The following CNTN5 variants were observed in gnomAD, a reference collection of about 807,000 sequenced individuals.
CNTN5 encodes contactin 5, also known as contactin-5.
A neutral mutation model predicts 129.1 loss-of-function variants in CNTN5; 77 were observed. The ratio of observed to expected loss-of-function variants is 0.60; its 90% confidence interval spans 0.50 to 0.72. CNTN5 has a LOEUF of 0.72. Ranked by LOEUF, CNTN5 falls within the 30% of genes least tolerant of loss-of-function variation. The pLI is 0.00. For synonymous variants in CNTN5, 509 were observed against 465.6 expected (o/e 1.09, Z -1.20); for missense variants, 1,478 against 1,328.8 (o/e 1.11, Z -1.75).
chr11:99,740,328 G>A (rs564365490), intron 3 of CNTN5, among the ~76,000 whole-genome samples: 1 of 152,178 alleles, frequency 6.6e-6, no homozygotes, highest in Non-Finnish European at 1.5e-5. Flanking sequence ...GTAGTTGCAT[G>A]GAACAAATTT....
chr11:99,261,694 A>G (rs547396837), intron 1 of CNTN5, among the ~76,000 whole-genome samples: 2 of 152,196 alleles, frequency 1.3e-5, no homozygotes, highest in East Asian at 3.9e-4. Flanking sequence ...TTTCATAACT[A>G]ACATCATCAT....
intron 1 of CNTN5, among the ~76,000 whole-genome samples, chr11:99,224,744 AC>A: frequency 1.5e-5 from 2 of 132,342 alleles, no homozygotes; most frequent in Non-Finnish European, 3.1e-5. Context: ...TGCAACCTCC[AC>A]CTCCCAGATT....
intron 3 of CNTN5, among the ~76,000 whole-genome samples, chr11:99,788,368 G>T (rs1196582751): frequency 6.6e-6 from 1 of 151,886 alleles, no homozygotes; most frequent in Non-Finnish European, 1.5e-5. Flanking sequence ...GGCAATAAAA[G>T]CCAGTAGCTC....
At chr11:99,350,822 T>C (rs1938244322) in intron 2 of CNTN5, among the ~76,000 whole-genome samples, 1 of 152,008 alleles carries the variant, frequency 6.6e-6, no homozygotes, top group Non-Finnish European at 1.5e-5. Flanking sequence ...AGGGGATGAT[T>C]GAGAAGATGT....
At position 99,378,041 on chromosome 11, in the gene CNTN5, C is replaced by G. The variant is rs144451353; in HGVS notation, c.-71+52557C>G. 3.3e-5 allele frequency among the ~76,000 whole-genome samples: 5 copies of G among 152,170 alleles called. No individual in the cohort carries two copies. The East Asian group carries it at 9.7e-4, about 29-fold the overall frequency. ...TAAAGATAATTTTAGGGTGTATAAT[C>G]AACCTAATTATATTATCTTTTGGAT... On this transcript the variant is annotated intron_variant, in intron 2 of 24. Coordinates refer to ENST00000524871, the MANE Select transcript of CNTN5 (RefSeq NM_014361.4).
chr11:99,831,614 CT>C (rs140240463), intron 4 of CNTN5, among the ~76,000 whole-genome samples: 13 of 148,776 alleles, frequency 8.7e-5, no homozygotes, highest in South Asian at 4.3e-4. Context: ...GTGACCATAA[CT>C]TTTTTTTTTG....
intron 1 of CNTN5, among the ~76,000 whole-genome samples, chr11:99,056,973 T>C (rs1864648349): frequency 6.6e-6 from 1 of 152,068 alleles, no homozygotes; most frequent in African/African-American, 2.4e-5. Context: ...ACCACTTTTC[T>C]CTTTGTTCTC....
At chr11:99,583,210 C>T (rs538680063) in intron 3 of CNTN5, among the ~76,000 whole-genome samples, 21 of 152,126 alleles carry the variant, frequency 1.4e-4, no homozygotes, top group Non-Finnish European at 2.5e-4. Context: ...AGTACCCGGC[C>T]GTGTGAGGTG....
chr11:100,004,393 G>T (rs900584099), intron 9 of CNTN5, among the ~76,000 whole-genome samples: 1 of 151,876 alleles, frequency 6.6e-6, no homozygotes, highest in Admixed American at 6.6e-5. Flanking sequence ...TCATCCTCTG[G>T]CCTCAATTTC....
rs575843116 is a variant in CNTN5, at chr11:99,688,722, C to T, written c.56-130822C>T. Among the ~76,000 whole-genome samples, 12 of 152,236 alleles carry T rather than the reference C, an allele frequency of 7.9e-5. No individual in the cohort carries two copies. The South Asian group carries it at 2.5e-3, about 32-fold the overall frequency. On this transcript the variant is annotated intron_variant, in intron 3 of 24. Coordinates refer to ENST00000524871, the MANE Select transcript of CNTN5 (RefSeq NM_014361.4). Reference sequence around the variant, plus strand: ...CCCATCACCGAGGTATTAATCCCAGCATTCATTAGCTATTCTTCTTGATGC... The same window carrying T: ...CCCATCACCGAGGTATTAATCCCAGTATTCATTAGCTATTCTTCTTGATGC...
intron 8 of CNTN5, among the ~76,000 whole-genome samples, chr11:99,959,885 T>C (rs1456253682): frequency 6.6e-6 from 1 of 152,098 alleles, no homozygotes; most frequent in East Asian, 1.9e-4. Context: ...TTTTTTTCTG[T>C]AACTTACCTA....
At chr11:99,678,196 G>T (rs1451635800) in intron 3 of CNTN5, among the ~76,000 whole-genome samples, 1 of 151,944 alleles carries the variant, frequency 6.6e-6, no homozygotes, top group Non-Finnish European at 1.5e-5. Context: ...AATATTCAGC[G>T]AATTTCTGAA....
intron 2 of CNTN5, among the ~76,000 whole-genome samples, chr11:99,463,115 A>ATAAATAAATAAG (rs1944785241): frequency 6.8e-6 from 1 of 146,782 alleles, no homozygotes; most frequent in Admixed American, 6.9e-5. Flanking sequence ...CTCAAAATAA[A>ATAAATAAATAAG]TAAATAAATA....
intron 2 of CNTN5, among the ~76,000 whole-genome samples, chr11:99,430,458 T>TTA (rs140208299): frequency 0.014 from 2,113 of 149,120 alleles, 36 homozygotes; most frequent in African/African-American, 0.045. Context: ...TATAAGGCCT[T>TTA]TATATATATA....
intron 21 of CNTN5, among the ~76,000 whole-genome samples, chr11:100,339,663 G>C (rs954362818): frequency 2.0e-5 from 3 of 152,164 alleles, no homozygotes; most frequent in Non-Finnish European, 4.4e-5. Flanking sequence ...ATTTCTGTCT[G>C]CCTAGAATTT....
intron 17 of CNTN5, among the ~76,000 whole-genome samples, chr11:100,263,278 A>G (rs1055205898): frequency 6.6e-6 from 1 of 152,172 alleles, no homozygotes; most frequent in African/African-American, 2.4e-5. Flanking sequence ...GTTTTGAAAT[A>G]TAGAAATCAG....
chr11:100,200,438 G>T (rs893495255), intron 15 of CNTN5, among the ~76,000 whole-genome samples: 1 of 151,844 alleles, frequency 6.6e-6, no homozygotes, highest in Admixed American at 6.6e-5. Context: ...GGTATACAGA[G>T]CATTTTTATT....
chr11:99,408,786 C>T (rs1942253946), intron 2 of CNTN5, among the ~76,000 whole-genome samples: 1 of 152,118 alleles, frequency 6.6e-6, no homozygotes, highest in Non-Finnish European at 1.5e-5. Context: ...TGAGTCAGAG[C>T]CTGCCTACTT....
At chr11:99,380,146 C>T (rs1294825096) in intron 2 of CNTN5, among the ~76,000 whole-genome samples, 1 of 151,182 alleles carries the variant, frequency 6.6e-6, no homozygotes, top group African/African-American at 2.4e-5. Context: ...TCTTGAAAAA[C>T]ATAATAAAGT....
Sources: gnomAD v4.1 joint callset for allele counts (sites outside exome capture counted in the v4.1 genomes callset) on GRCh38, gnomAD v4.1.1 for gene constraint, MANE v1.5 for transcripts, NCBI Gene and HGNC (gene_info 2026-07-23, HGNC 2026-07-21) for gene names.